ADAMTSL3: variants seen among roughly 807,000 people sequenced by gnomAD.
ADAMTSL3 encodes the protein ADAMTS-like protein 3.
Under a neutral mutation model 201.7 loss-of-function variants are expected in ADAMTSL3, and 128 were observed. The ratio of observed to expected loss-of-function variants is 0.63; its 90% CI spans 0.55 to 0.73. The LOEUF (loss-of-function observed/expected upper bound fraction) is 0.73, where lower values mean the gene tolerates loss of function less well. Ranked by LOEUF, ADAMTSL3 falls within the 30% of genes least tolerant of loss-of-function variation. The pLI is 0.00. For synonymous variants in ADAMTSL3, 738 were observed against 748.4 expected, an observed-to-expected ratio of 0.99 and a Z score of 0.23; for missense variants, 1,990 against 2,119.6, an observed-to-expected ratio of 0.94 and a Z score of 1.20.
chr15:83,823,217 G>A (rs1240912664), intron 6 of ADAMTSL3, among the ~76,000 whole-genome samples: 1 of 140,610 alleles, frequency 7.1e-6, no homozygotes, highest in Non-Finnish European at 1.5e-5. Flanking sequence ...AGAGGGTGAG[G>A]GGGAGGGGGA....
chr15:83,872,824 C>T (rs1316997869), intron 9 of ADAMTSL3, among the ~76,000 whole-genome samples: 2 of 144,546 alleles, frequency 1.4e-5, no homozygotes, highest in Admixed American at 1.4e-4. Context: ...TTTATTGACA[C>T]CATTTATAAA....
intron 3 of ADAMTSL3, among the ~76,000 whole-genome samples, chr15:83,739,192 G>T (rs184633698): frequency 1.4e-4 from 21 of 151,994 alleles, no homozygotes. Context: ...ATAAAATCAT[G>T]CAGAAGGATG....
chr15:84,004,485 G>GAACCAGGAGTA lies in ADAMTSL3; in HGVS notation c.3974-10035_3974-10025dup, dbSNP rs754051447. On this transcript the variant is annotated intron_variant, in intron 23 of 29. Coordinates refer to ENST00000286744, the MANE Select transcript of ADAMTSL3 (RefSeq NM_207517.3). ...TTAGTGGGTAACCAGAGGTCAACTA[G>GAACCAGGAGTA]AACCAGGAGTAAACCAGGAGTAAAC... Among the ~76,000 whole-genome samples, 43 of 152,272 alleles carry GAACCAGGAGTA rather than the reference G, an allele frequency of 2.8e-4. 1 individual carries two copies. In the East Asian group the frequency reaches 5.6e-3, roughly 20 times the overall value.
At chr15:83,791,180 A>G (rs940739522) in intron 4 of ADAMTSL3, among the ~76,000 whole-genome samples, 31 of 152,304 alleles carry the variant, frequency 2.0e-4, no homozygotes, top group African/African-American at 7.2e-4. Flanking sequence ...CTACAGATTC[A>G]GTGTAATCTC....
intron 1 of ADAMTSL3, 128 bp from the exon 2 acceptor site, chr15:83,655,601 G>T: frequency 1.5e-6 from 1 of 674,434 alleles, no homozygotes; most frequent in East Asian, 2.8e-5. Flanking sequence ...GGCAACCTGG[G>T]CCAACACAAA....
intron 15 of ADAMTSL3, among the ~76,000 whole-genome samples, chr15:83,908,412 T>A (rs2141946911): frequency 6.6e-6 from 1 of 152,352 alleles, no homozygotes; most frequent in African/African-American, 2.4e-5. Flanking sequence ...CTTTTTTATT[T>A]TATTGTACTT....
At chr15:84,008,108 GGTTT>G (rs1463458930) in intron 23 of ADAMTSL3, among the ~76,000 whole-genome samples, 11 of 152,080 alleles carry the variant, frequency 7.2e-5, no homozygotes, top group East Asian at 1.9e-4. Context: ...TCAGTTGTCA[GGTTT>G]GTTTGTTTGT....
chr15:83,663,465 C>T (rs760601725), intron 2 of ADAMTSL3, among the ~76,000 whole-genome samples: 32 of 152,188 alleles, frequency 2.1e-4, no homozygotes, highest in Non-Finnish European at 3.8e-4. Context: ...TTTGTTCACT[C>T]GTGTTTACCA....
At chr15:83,712,917 C>T (rs765891271) in intron 3 of ADAMTSL3, among the ~76,000 whole-genome samples, 1 of 152,194 alleles carries the variant, frequency 6.6e-6, no homozygotes, top group African/African-American at 2.4e-5. Flanking sequence ...CAGCCTCTCT[C>T]TAATCTCAGA....
chr15:83,942,535 C>A, intron 17 of ADAMTSL3, 61 bp from the exon 18 acceptor site: 1 of 1,515,844 alleles, frequency 6.6e-7, no homozygotes, highest in Non-Finnish European at 9.0e-7. Flanking sequence ...TGTTCATGCT[C>A]TGATGGTTGC....
At chr15:83,828,882 G>A (rs2064086310) in intron 6 of ADAMTSL3, among the ~76,000 whole-genome samples, 1 of 152,210 alleles carries the variant, frequency 6.6e-6, no homozygotes, top group Non-Finnish European at 1.5e-5. Context: ...AAGCCCACTT[G>A]ATCATGGTGG....
intron 6 of ADAMTSL3, among the ~76,000 whole-genome samples, chr15:83,834,658 A>AT (rs2064228651): frequency 6.6e-6 from 1 of 152,206 alleles, no homozygotes. Context: ...TTATAGATGA[A>AT]TATTTATTCC....
At chr15:83,931,660 A>T (rs1319843232) in intron 17 of ADAMTSL3, among the ~76,000 whole-genome samples, 1 of 152,216 alleles carries the variant, frequency 6.6e-6, no homozygotes, top group African/African-American at 2.4e-5. Flanking sequence ...TCTGTTCCAA[A>T]TACAGATCAA....
At chr15:83,796,553 C>T (rs935878992) in intron 4 of ADAMTSL3, among the ~76,000 whole-genome samples, 3 of 152,158 alleles carry the variant, frequency 2.0e-5, no homozygotes, top group African/African-American at 7.2e-5. Flanking sequence ...ACATCATAAA[C>T]ATACCAATTT....
intron 2 of ADAMTSL3, among the ~76,000 whole-genome samples, chr15:83,696,587 C>T (rs1319636675): frequency 8.5e-5 from 13 of 152,292 alleles, no homozygotes; most frequent in Admixed American, 3.3e-4. Flanking sequence ...CTTCTTGTGT[C>T]GTCTGTCAGT....
At chr15:83,923,790 A>T (rs1382786646) in intron 16 of ADAMTSL3, 114 bp from the exon 17 acceptor site, 3 of 1,263,214 alleles carry the variant, frequency 2.4e-6, no homozygotes, top group Admixed American at 2.2e-5. Context: ...CTGCAGCCCT[A>T]TGATAGTCAA....
chr15:83,667,485 A>G (rs1025487453), intron 2 of ADAMTSL3, among the ~76,000 whole-genome samples: 10 of 151,360 alleles, frequency 6.6e-5, no homozygotes, highest in Admixed American at 5.9e-4. Flanking sequence ...AAGCAAGGAA[A>G]TGGTGCCAGC....
chr15:84,032,280 A>G (rs1232833769), intron 28 of ADAMTSL3, among the ~76,000 whole-genome samples: 1 of 152,156 alleles, frequency 6.6e-6, no homozygotes, highest in Non-Finnish European at 1.5e-5. Flanking sequence ...TTCCTTTTCC[A>G]TGTCCTGAGT....
chr15:83,837,731 G>A (rs2141976625), intron 6 of ADAMTSL3, among the ~76,000 whole-genome samples: 1 of 151,648 alleles, frequency 6.6e-6, no homozygotes, highest in East Asian at 2.0e-4. Context: ...GAGCCCAGGA[G>A]GTTGAGGCTG....
Sources: gnomAD v4.1 joint callset for allele counts (sites outside exome capture counted in the v4.1 genomes callset) on GRCh38, gnomAD v4.1.1 for gene constraint, MANE v1.5 for transcripts, NCBI Gene and HGNC (gene_info 2026-07-23, HGNC 2026-07-21) for gene names.